The following ATP2B2 variants were observed in gnomAD, a reference collection of about 807,000 sequenced individuals.
ATP2B2 encodes the protein ATPase plasma membrane Ca2+ transporting 2.
A neutral mutation model predicts 120.0 loss-of-function variants in ATP2B2; 15 were observed. That is an observed-to-expected ratio of 0.12 (90% CI 0.08 to 0.19). The LOEUF (loss-of-function observed/expected upper bound fraction) is 0.19, where lower values mean the gene tolerates loss of function less well. Among genes scored for constraint, ATP2B2 ranks in the 10% least tolerant of loss-of-function variants. The pLI is 1.00. For synonymous variants in ATP2B2, 694 were observed against 700.3 expected, an observed-to-expected ratio of 0.99 and a Z score of 0.14; for missense variants, 1,045 against 1,719.8, an observed-to-expected ratio of 0.61 and a Z score of 6.94.
chr3:10,434,683 G>A (rs1275386043), intron 2 of ATP2B2, among the ~76,000 whole-genome samples: 4 of 152,248 alleles, frequency 2.6e-5, no homozygotes, highest in African/African-American at 4.8e-5. Context: ...GTCTCATGGT[G>A]CCCCATGGCC....
At position 10,410,648 on chromosome 3, in the gene ATP2B2, A is replaced by G. The variant is rs745377655; in HGVS notation, c.367T>C (p.Phe123Leu). 5 of 1,609,814 alleles carry G rather than the reference A, an allele frequency of 3.1e-6. No homozygotes were observed. Among genetic ancestry groups the G allele is most frequent in the Non-Finnish European group, 4.2e-6 (5 of 1,176,528 alleles). The change falls in exon 3 of 23, where the codon TTC becomes CTC. Residue 123 changes from phenylalanine to leucine, a missense_variant. By Grantham distance (22) the Phe-to-Leu change is conservative (BLOSUM62 0). Transcript: ENST00000360273. ...TTGCCCTCGCCGGGCGGGTGGTAGAAGGACAGCCCCAGGGAGATGATGGCG... is the reference window on the plus strand; with the variant it reads ...TTGCCCTCGCCGGGCGGGTGGTAGAGGGACAGCCCCAGGGAGATGATGGCG... ...IAAIISLGLS[F>L]YHPPGEGNEG...
intron 2 of ATP2B2, among the ~76,000 whole-genome samples, chr3:10,576,793 G>A (rs536605162): frequency 5.9e-5 from 9 of 152,182 alleles, no homozygotes; most frequent in East Asian, 1.9e-4. Flanking sequence ...GGCCGGGCGC[G>A]GTGGCTCACG....
At chr3:10,600,322 C>T (rs946895775) in intron 2 of ATP2B2, among the ~76,000 whole-genome samples, 6 of 152,206 alleles carry the variant, frequency 3.9e-5, no homozygotes, top group Non-Finnish European at 7.4e-5. Context: ...TAACCCATTG[C>T]TGACTGGCAG....
chr3:10,604,815 A>C (rs941525642), intron 2 of ATP2B2, among the ~76,000 whole-genome samples: 1 of 152,102 alleles, frequency 6.6e-6, no homozygotes, highest in East Asian at 1.9e-4. Flanking sequence ...CCACCACTCC[A>C]TATTGTCTTC....
chr3:10,356,032 G>T (rs2060715004), intron 14 of ATP2B2, among the ~76,000 whole-genome samples: 1 of 24,732 alleles, frequency 4.0e-5, no homozygotes, highest in Non-Finnish European at 7.0e-5. Flanking sequence ...CCGAGATCGC[G>T]CCACTGCACT....
chr3:10,469,722 C>T (rs2064901854), intron 1 of ATP2B2, among the ~76,000 whole-genome samples: 1 of 152,198 alleles, frequency 6.6e-6, no homozygotes, highest in South Asian at 2.1e-4. Context: ...CCAGCAGCCC[C>T]TTTCACCCTG....
chr3:10,468,941 T>TA lies in ATP2B2; in HGVS notation c.-319-19080dup, dbSNP rs570258450. ...GTAGTTTTGTGGATGATGAAGCCGT[T>TA]AAGAGAGCCTGAGGAATACCTGGAG... is the stretch of plus-strand genomic sequence containing the variant. On this transcript the variant is annotated intron_variant, in intron 1 of 22. Coordinates refer to ENST00000360273, the MANE Select transcript of ATP2B2 (RefSeq NM_001001331.4). 1.6e-4 allele frequency among the ~76,000 whole-genome samples: 25 copies of TA among 152,358 alleles called. No individual in the cohort carries two copies. The South Asian group carries it at 4.6e-3, about 28-fold the overall frequency.
intron 13 of ATP2B2, 140 bp from the exon 14 acceptor site, chr3:10,359,065 G>A: frequency 1.2e-6 from 1 of 829,450 alleles, no homozygotes; most frequent in Non-Finnish European, 1.9e-6. Flanking sequence ...CCCAGGCAGG[G>A]TGAAATCAAG....
At chr3:10,441,931 C>T (rs540680913) in intron 2 of ATP2B2, among the ~76,000 whole-genome samples, 1 of 152,270 alleles carries the variant, frequency 6.6e-6, no homozygotes, top group South Asian at 2.1e-4. Flanking sequence ...GACTCAAAGT[C>T]AATGGTCTCC....
At position 10,625,182 on chromosome 3, in the gene ATP2B2, C is replaced by T. The variant is rs564266308; in HGVS notation, c.-459-5221G>A. ...GTCTCTGGCTGCACGAGGCCACCTG[C>T]CTTGCAGGGGAATGAACGGTCTGTG... is the stretch of plus-strand genomic sequence containing the variant. On this transcript the variant is annotated intron_variant, in intron 1 of 21. Coordinates refer to the ATP2B2 transcript ENST00000646379. Among the ~76,000 whole-genome samples the T allele has an allele frequency of 9.2e-5, 14 of 152,344 alleles. No individual in the cohort carries two copies. In the South Asian group the frequency reaches 2.7e-3, roughly 29 times the overall value.
Position 10,441,265 on chromosome 3 carries a change from T to G in ATP2B2, c.199+8080A>C, listed in dbSNP as rs574656899. 9.9e-5 allele frequency among the ~76,000 whole-genome samples: 15 copies of G among 151,992 alleles called. No individual in the cohort carries two copies. In the South Asian group the frequency reaches 3.1e-3, roughly 32 times the overall value. ...CCTGGAGTTGTTTCCTGTCTTTTTG[T>G]TTTTTTTGAGACAGAGTCTCACTCT... is the stretch of plus-strand genomic sequence containing the variant. On this transcript the variant is annotated intron_variant, in intron 2 of 22. Transcript: ENST00000360273.
At position 10,388,350 on chromosome 3, in the gene ATP2B2, C is replaced by T. The variant is rs749045710; in HGVS notation, c.834G>A (p.Val278=). ...SGRMLVTAVG[V]NSQTGIIFTL... ...TAAAGATGATGCCAGTCTGAGAGTTCACACCCACAGCAGTCACCAACATCC... is the reference window on the plus strand; with the variant it reads ...TAAAGATGATGCCAGTCTGAGAGTTTACACCCACAGCAGTCACCAACATCC... The change falls in exon 6 of 23, where the codon GTG becomes GTA. Residue 278 remains valine, a synonymous_variant. Coordinates refer to ENST00000360273, the MANE Select transcript of ATP2B2 (RefSeq NM_001001331.4). 7 of 1,614,094 alleles carry T rather than the reference C, an allele frequency of 4.3e-6. No homozygotes were observed. In the African/African-American group the frequency reaches 9.3e-5, roughly 22 times the overall value.
Position 10,636,078 on chromosome 3 carries a change from C to A in ATP2B2, c.-459-16117G>T, listed in dbSNP as rs140163652. On this transcript the variant is annotated intron_variant, in intron 1 of 21. Transcript: ENST00000646379. ...GAGGCGGATGAAAGCCTCTGCCTGC[C>A]GACCCCACAGGGGTCAAGATGTGGA... 2.0e-5 allele frequency among the ~76,000 whole-genome samples: 3 copies of A among 152,304 alleles called. No individual in the cohort carries two copies. In the East Asian group the frequency reaches 5.8e-4, roughly 29 times the overall value.
At chr3:10,495,279 A>G (rs1414269588) in intron 1 of ATP2B2, among the ~76,000 whole-genome samples, 1 of 152,178 alleles carries the variant, frequency 6.6e-6, no homozygotes, top group Non-Finnish European at 1.5e-5. Context: ...TACCATGGAC[A>G]GGGTGCTGGG....
intron 1 of ATP2B2, among the ~76,000 whole-genome samples, chr3:10,484,173 G>A (rs2125330416): frequency 6.6e-6 from 1 of 152,322 alleles, no homozygotes; most frequent in Admixed American, 6.5e-5. Context: ...CCCTGGGGAT[G>A]AGTCCAGGAG....
chr3:10,350,053 G>A, intron 16 of ATP2B2, 59 bp downstream of exon 16: 1 of 1,540,714 alleles, frequency 6.5e-7, no homozygotes, highest in South Asian at 1.1e-5. Flanking sequence ...AGGAGAGGAG[G>A]GCCCAGCTTC....
At chr3:10,608,344 A>G (rs2069139927) in intron 2 of ATP2B2, among the ~76,000 whole-genome samples, 1 of 152,254 alleles carries the variant, frequency 6.6e-6, no homozygotes, top group Non-Finnish European at 1.5e-5. Context: ...GGATCACTTG[A>G]GCCCAGGAGT....
At chr3:10,595,077 T>C (rs1194502460) in intron 2 of ATP2B2, among the ~76,000 whole-genome samples, 1 of 152,238 alleles carries the variant, frequency 6.6e-6, no homozygotes, top group East Asian at 1.9e-4. Context: ...ATCAGGACCT[T>C]GGATAGCTCC....
At chr3:10,578,140 G>T (rs950861409) in intron 2 of ATP2B2, among the ~76,000 whole-genome samples, 6 of 152,104 alleles carry the variant, frequency 3.9e-5, no homozygotes, top group African/African-American at 1.4e-4. Context: ...CCATAGTGGC[G>T]AAACCTATAA....
Sources: gnomAD v4.1 joint callset for allele counts (sites outside exome capture counted in the v4.1 genomes callset) on GRCh38, gnomAD v4.1.1 for gene constraint, MANE v1.5 for transcripts, NCBI Gene and HGNC (gene_info 2026-07-23, HGNC 2026-07-21) for gene names.